HYCC2: variants seen among roughly 807,000 people sequenced by gnomAD.
HYCC2 encodes the protein hyccin PI4KA lipid kinase complex subunit 2.
At chr2:201,053,723 G>A in the HYCC2 span, among the ~76,000 whole-genome samples, 1 of 152,200 alleles carries the variant, frequency 6.6e-6, no homozygotes, top group Non-Finnish European at 1.5e-5. Flanking sequence ...CCAGCACTTT[G>A]GGAGGCTGAG....
At chr2:201,022,771 T>A in the HYCC2 span, 1 of 976,986 alleles carries the variant, frequency 1.0e-6, no homozygotes, top group Admixed American at 2.7e-5. Flanking sequence ...TAAATTTATG[T>A]GTTTTGGTAT....
chr2:201,043,502 TTC>T, the HYCC2 span, among the ~76,000 whole-genome samples: 1 of 150,440 alleles, frequency 6.6e-6, no homozygotes, highest in Non-Finnish European at 1.5e-5. Flanking sequence ...AACATATATT[TTC>T]TTTTTTTCTT....
the HYCC2 span, among the ~76,000 whole-genome samples, chr2:201,068,164 G>A: frequency 6.6e-6 from 1 of 152,088 alleles, no homozygotes; most frequent in Admixed American, 6.6e-5. Context: ...GCACATGCCT[G>A]TAATCCCAGC....
At chr2:201,034,622 G>T in the HYCC2 span, among the ~76,000 whole-genome samples, 1 of 152,126 alleles carries the variant, frequency 6.6e-6, no homozygotes, top group Non-Finnish European at 1.5e-5. Context: ...GGTTAATATT[G>T]TTATGTGTGA....
At chr2:201,062,386 C>A in the HYCC2 span, among the ~76,000 whole-genome samples, 1 of 151,958 alleles carries the variant, frequency 6.6e-6, no homozygotes, top group Admixed American at 6.6e-5. Context: ...CGGTGGCTCA[C>A]ACCTGTAATC....
chr2:201,002,191 T>A, the HYCC2 span, among the ~76,000 whole-genome samples: 1 of 149,158 alleles, frequency 6.7e-6, no homozygotes, highest in Admixed American at 6.7e-5. Flanking sequence ...CCCAGCACTT[T>A]GGGAGGTCGA....
chr2:201,025,029 C>T, the HYCC2 span, among the ~76,000 whole-genome samples: 2 of 152,110 alleles, frequency 1.3e-5, no homozygotes, highest in African/African-American at 4.8e-5. Context: ...AGGAAGATCC[C>T]TTGAGCCCAG....
the HYCC2 span, among the ~76,000 whole-genome samples, chr2:200,982,401 G>C: frequency 6.6e-6 from 1 of 151,944 alleles, no homozygotes; most frequent in African/African-American, 2.4e-5. Flanking sequence ...TCAGTGGTTG[G>C]TTAACTGCTT....
the HYCC2 span, among the ~76,000 whole-genome samples, chr2:201,062,395 T>C: frequency 1.3e-5 from 2 of 151,970 alleles, no homozygotes; most frequent in African/African-American, 2.4e-5. Flanking sequence ...ACACCTGTAA[T>C]CCCAGCACTT....
chr2:201,005,929 G>A, the HYCC2 span, among the ~76,000 whole-genome samples: 2 of 151,606 alleles, frequency 1.3e-5, no homozygotes, highest in African/African-American at 2.4e-5. Context: ...GCCTCCCCGG[G>A]TTCAAGCGAT....
At chr2:201,042,843 C>T in the HYCC2 span, among the ~76,000 whole-genome samples, 3 of 149,300 alleles carry the variant, frequency 2.0e-5, no homozygotes, top group Middle Eastern at 3.3e-3. Flanking sequence ...GCCGCCACCC[C>T]GTCTGGGAGG....
the HYCC2 span, among the ~76,000 whole-genome samples, chr2:201,015,525 T>C: frequency 6.6e-6 from 1 of 152,206 alleles, no homozygotes; most frequent in East Asian, 1.9e-4. Flanking sequence ...CTCACTCTTC[T>C]CAATTATGTA....
the HYCC2 span, among the ~76,000 whole-genome samples, chr2:200,982,755 A>G: frequency 6.6e-6 from 1 of 152,062 alleles, no homozygotes; most frequent in South Asian, 2.1e-4. Flanking sequence ...TTAACAAAAT[A>G]ATTTATTTAT....
the HYCC2 span, among the ~76,000 whole-genome samples, chr2:201,053,207 C>T: frequency 4.6e-5 from 7 of 152,130 alleles, no homozygotes; most frequent in Admixed American, 1.3e-4. Flanking sequence ...ACTGCAACCT[C>T]CGCCTCCTGG....
chr2:201,049,442 C>T, the HYCC2 span, among the ~76,000 whole-genome samples: 6 of 151,790 alleles, frequency 4.0e-5, no homozygotes, highest in African/African-American at 1.2e-4. Context: ...CTCCGCCTCC[C>T]GGGGTTCAAA....
chr2:200,997,296 G>A, the HYCC2 span: 1 of 534,686 alleles, frequency 1.9e-6, no homozygotes, highest in Non-Finnish European at 3.4e-6. Context: ...ACAGCCTCAT[G>A]AGGATAAGGA....
chr2:201,040,791 T>C, the HYCC2 span, among the ~76,000 whole-genome samples: 5 of 152,132 alleles, frequency 3.3e-5, no homozygotes, highest in Admixed American at 1.3e-4. Flanking sequence ...AGCCTCATAA[T>C]TGCTTCTGCA....
At chr2:201,029,027 G>A in the HYCC2 span, among the ~76,000 whole-genome samples, 3 of 152,138 alleles carry the variant, frequency 2.0e-5, no homozygotes, top group Non-Finnish European at 1.5e-5. Flanking sequence ...GCAACCTACA[G>A]AATGGGAGAA....
chr2:201,035,480 G>A, the HYCC2 span, among the ~76,000 whole-genome samples: 1 of 152,062 alleles, frequency 6.6e-6, no homozygotes, highest in African/African-American at 2.4e-5. Context: ...TCTCTGCATT[G>A]GTTATTCTAG....
Sources: allele counts gnomAD v4.1 joint callset (sites outside exome capture counted in the v4.1 genomes callset), GRCh38; gene constraint gnomAD v4.1.1; transcripts MANE v1.5; gene names NCBI Gene and HGNC (gene_info 2026-07-23, HGNC 2026-07-21).